The following PPM1L variants were observed in gnomAD, a reference collection of about 807,000 sequenced individuals.
PPM1L encodes protein phosphatase 1L.
In PPM1L, 13 loss-of-function variants were observed where a neutral mutation model predicts 31.4. That is an observed-to-expected ratio of 0.41 (90% CI 0.27 to 0.66). The LOEUF (loss-of-function observed/expected upper bound fraction) is 0.66, where lower values mean the gene tolerates loss of function less well. PPM1L is among the 30% of genes least tolerant of loss of function. The pLI is 0.29. For missense variants in PPM1L, 326 were observed against 453.7 expected (o/e 0.72, Z 2.56); for synonymous variants, 184 against 175.4 (o/e 1.05, Z -0.39).
intron 1 of PPM1L, among the ~76,000 whole-genome samples, chr3:160,767,738 G>T (rs573391967): frequency 8.9e-4 from 136 of 152,148 alleles, no homozygotes; most frequent in Non-Finnish European, 1.6e-3. Context: ...TAAGAAGAGG[G>T]TCTATATTCA....
In PPM1L at chr3:161,062,233, G is replaced by A. The variant is rs200538480; in HGVS notation, c.575-3170G>A. Among the ~76,000 whole-genome samples, 201 of 152,048 alleles carry A rather than the reference G, an allele frequency of 1.3e-3. 4 individuals are homozygous for A. In the South Asian group the frequency reaches 0.033, roughly 25 times the overall value. On this transcript the variant is annotated intron_variant, in intron 2 of 3. Transcript: ENST00000498165. ...CCCAGTTTCTCCCATCTAGATATAC[G>A]GGTATTATCCTAAACTTCTCCCCTC...
At position 161,069,252 on chromosome 3, in the gene PPM1L, C is replaced by A; in HGVS notation, c.*95C>A. 1 of 936,754 alleles carries A rather than the reference C, an allele frequency of 1.1e-6. No individual in the cohort carries two copies. The highest frequency in any genetic ancestry group is 1.6e-6 in the Non-Finnish European group (1 of 639,666). The allele number at this position is 936,754 out of a possible 1,614,324, so 58.0% of individuals were successfully genotyped here. On this transcript the variant is annotated 3_prime_UTR_variant, in exon 4 of 4. Transcript: ENST00000498165. ...AAAGTGTGGGAGTTGTAATTAGGATCATCCACCCCAGACATGGAATCCCCC... is the reference window on the plus strand; with the variant it reads ...AAAGTGTGGGAGTTGTAATTAGGATAATCCACCCCAGACATGGAATCCCCC...
intron 1 of PPM1L, among the ~76,000 whole-genome samples, chr3:160,797,795 T>C (rs59668405): frequency 1.6e-3 from 247 of 152,236 alleles, no homozygotes; most frequent in African/African-American, 5.7e-3. Flanking sequence ...GTATGAAACC[T>C]GAGAGAGGTG....
At chr3:160,901,691 G>T (rs1440958299) in intron 1 of PPM1L, among the ~76,000 whole-genome samples, 1 of 152,068 alleles carries the variant, frequency 6.6e-6, no homozygotes, top group Non-Finnish European at 1.5e-5. Context: ...TAGCTCCTTG[G>T]TACATACTTG....
chr3:160,996,082 C>T (rs1717312822), intron 2 of PPM1L, among the ~76,000 whole-genome samples: 1 of 152,158 alleles, frequency 6.6e-6, no homozygotes, highest in African/African-American at 2.4e-5. Flanking sequence ...ATCGAAACCA[C>T]AGTGTAATAC....
intron 2 of PPM1L, among the ~76,000 whole-genome samples, chr3:161,005,576 T>C (rs9832109): frequency 0.31 from 46,466 of 152,026 alleles, 7,535 homozygotes; most frequent in East Asian, 0.63. Flanking sequence ...TGCGTTTAAA[T>C]TCTGGCTATC....
At chr3:161,002,161 G>A (rs1352817708) in intron 2 of PPM1L, among the ~76,000 whole-genome samples, 2 of 152,144 alleles carry the variant, frequency 1.3e-5, no homozygotes, top group African/African-American at 4.8e-5. Flanking sequence ...TACAAACGAC[G>A]TGAACTCATC....
intron 1 of PPM1L, among the ~76,000 whole-genome samples, chr3:160,803,586 C>T (rs1484304098): frequency 2.0e-5 from 3 of 150,050 alleles, no homozygotes; most frequent in African/African-American, 7.5e-5. Context: ...GTATGTCAGA[C>T]AAGTTTAGAT....
intron 1 of PPM1L, among the ~76,000 whole-genome samples, chr3:160,938,661 A>G (rs978320407): frequency 6.6e-6 from 1 of 152,192 alleles, no homozygotes; most frequent in African/African-American, 2.4e-5. Context: ...ACATAAAGTG[A>G]TTTTGAAGAT....
intron 1 of PPM1L, among the ~76,000 whole-genome samples, chr3:160,838,279 T>C (rs141534832): frequency 6.6e-5 from 10 of 152,236 alleles, no homozygotes; most frequent in African/African-American, 2.4e-4. Context: ...GAAAAAATTA[T>C]GTAGTAAGTT....
Position 160,756,563 on chromosome 3 carries a change from C to G in PPM1L, c.255C>G (p.Thr85=). ...LDVLEAEFSK[T]WEFKNHNVAV... is the part of the protein sequence containing the mutation. Reference sequence around the variant, plus strand: ...TGCTCGAGGCCGAGTTTTCCAAGACCTGGGAGTTCAAGAACCACAACGTGG... The same window carrying G: ...TGCTCGAGGCCGAGTTTTCCAAGACGTGGGAGTTCAAGAACCACAACGTGG... Residue 85 remains threonine, a synonymous_variant, in exon 1 of 4, where the codon ACC becomes ACG. Coordinates refer to ENST00000498165, the MANE Select transcript of PPM1L (RefSeq NM_139245.4). This position sits in a 1 kb window ranked among gnomAD's most constrained non-coding sequence, Gnocchi z 6.2. 3 of 1,614,128 alleles carry G rather than the reference C, an allele frequency of 1.9e-6. No individual in the cohort carries two copies. The highest frequency in any genetic ancestry group is 2.5e-6 in the Non-Finnish European group (3 of 1,180,030).
At chr3:160,883,881 CAAAAAA>C (rs36011243) in intron 1 of PPM1L, among the ~76,000 whole-genome samples, 44 of 106,378 alleles carry the variant, frequency 4.1e-4, no homozygotes, top group East Asian at 3.3e-3. Flanking sequence ...CTTGTCTCTA[CAAAAAA>C]AAAAAAAAAA....
Position 160,989,636 on chromosome 3 carries a change from A to T in PPM1L, c.574+27726A>T, listed in dbSNP as rs556511547. On this transcript the variant is annotated intron_variant, in intron 2 of 3. Coordinates refer to ENST00000498165, the MANE Select transcript of PPM1L (RefSeq NM_139245.4). Reference sequence around the variant, plus strand: ...CTCAGCCTCACAAAGTGCTAGGGTCACAGGCGTGAGCCACCACGCCCAGCC... The same window carrying T: ...CTCAGCCTCACAAAGTGCTAGGGTCTCAGGCGTGAGCCACCACGCCCAGCC... 9.9e-5 allele frequency among the ~76,000 whole-genome samples: 15 copies of T among 152,226 alleles called. No homozygotes were observed. In the South Asian group the frequency reaches 3.1e-3, roughly 32 times the overall value.
chr3:160,865,590 C>A (rs1712059491), intron 1 of PPM1L, among the ~76,000 whole-genome samples: 1 of 152,160 alleles, frequency 6.6e-6, no homozygotes, highest in African/African-American at 2.4e-5. Context: ...TCCTGGCCAA[C>A]ATGGTGAAAC....
intron 2 of PPM1L, among the ~76,000 whole-genome samples, chr3:160,984,606 T>C (rs1357285376): frequency 6.6e-6 from 1 of 152,172 alleles, no homozygotes; most frequent in East Asian, 1.9e-4. Flanking sequence ...AATTGATAAA[T>C]GTCCATGAAA....
intron 2 of PPM1L, among the ~76,000 whole-genome samples, chr3:161,018,389 T>A (rs956592759): frequency 2.0e-5 from 3 of 152,222 alleles, no homozygotes; most frequent in African/African-American, 7.2e-5. Flanking sequence ...TCAAATGGTT[T>A]TCATATGTTC....
chr3:160,783,202 A>G (rs1711797353), intron 1 of PPM1L, among the ~76,000 whole-genome samples: 1 of 152,216 alleles, frequency 6.6e-6, no homozygotes, highest in South Asian at 2.1e-4. Context: ...TTTCAGGCAC[A>G]ATTGTTTCAT....
At chr3:160,975,480 C>T (rs773469229) in intron 2 of PPM1L, among the ~76,000 whole-genome samples, 5 of 152,138 alleles carry the variant, frequency 3.3e-5, no homozygotes, top group Admixed American at 2.6e-4. Flanking sequence ...GCCATTTTCA[C>T]GATATTGAGT....
intron 1 of PPM1L, among the ~76,000 whole-genome samples, chr3:160,780,029 T>C (rs1355725472): frequency 6.6e-6 from 1 of 151,966 alleles, no homozygotes. Context: ...ATGCTAGCTT[T>C]TTTTTTTTTG....
Sources: gnomAD v4.1 joint callset for allele counts (sites outside exome capture counted in the v4.1 genomes callset) on GRCh38, gnomAD v4.1.1 for gene constraint, Gnocchi (gnomAD v3.1) non-coding constraint, MANE v1.5 for transcripts, NCBI Gene and HGNC (gene_info 2026-07-23, HGNC 2026-07-21) for gene names.